The following ITK variants were observed in gnomAD, a reference collection of about 807,000 sequenced individuals.
ITK encodes the protein tyrosine-protein kinase ITK/TSK.
In ITK, 45 loss-of-function variants were observed where a neutral mutation model predicts 87.6. That is an observed-to-expected ratio of 0.51 (90% CI 0.40 to 0.66). The LOEUF (loss-of-function observed/expected upper bound fraction) is 0.66, where lower values mean the gene tolerates loss of function less well. Among genes scored for constraint, ITK ranks in the 30% least tolerant of loss-of-function variants. The pLI, the probability that ITK is intolerant of heterozygous loss-of-function variation, is 0.00. For synonymous variants in ITK, 303 were observed against 273.6 expected, an observed-to-expected ratio of 1.11 and a Z score of -1.06; for missense variants, 605 against 766.3, an observed-to-expected ratio of 0.79 and a Z score of 2.48.
At chr5:157,204,136 A>G (rs978932692) in intron 1 of ITK, among the ~76,000 whole-genome samples, 1 of 152,104 alleles carries the variant, frequency 6.6e-6, no homozygotes. Context: ...TCACCCTCCC[A>G]AGTAGCTGGG....
intron 1 of ITK, chr5:157,195,325 A>G (rs1357156748): frequency 1.3e-5 from 2 of 152,212 alleles, no homozygotes; most frequent in South Asian, 2.1e-4. Context: ...CTAACACATA[A>G]TTAACTGCTG....
intron 16 of ITK, among the ~76,000 whole-genome samples, chr5:157,251,363 T>C (rs1755135821): frequency 6.6e-6 from 1 of 152,240 alleles, no homozygotes; most frequent in Non-Finnish European, 1.5e-5. Flanking sequence ...TACTTATTGT[T>C]GAGTTTTAAG....
At chr5:157,246,112 G>A (rs755335666) in intron 15 of ITK, 113 bp downstream of exon 15, 48 of 815,036 alleles carry the variant, frequency 5.9e-5, no homozygotes, top group Non-Finnish European at 8.7e-5. Context: ...TATCATGAGG[G>A]TGTCCCACTG....
At chr5:157,241,080 G>A (rs908599246) in intron 10 of ITK, 1 of 153,654 alleles carries the variant, frequency 6.5e-6, no homozygotes, top group Non-Finnish European at 1.4e-5. Flanking sequence ...TGGGATTACA[G>A]GCATGTGCCA....
At chr5:157,217,497 C>T (rs937761064) in intron 4 of ITK, among the ~76,000 whole-genome samples, 1 of 152,162 alleles carries the variant, frequency 6.6e-6, no homozygotes, top group Non-Finnish European at 1.5e-5. Flanking sequence ...CCAATTCCCA[C>T]TCCTGAGCTT....
intron 12 of ITK, chr5:157,244,007 AC>A: frequency 1.5e-6 from 1 of 669,180 alleles, no homozygotes; most frequent in Non-Finnish European, 2.7e-6. Context: ...CTCAGCTCCT[AC>A]CCATCTCTCC....
In ITK at chr5:157,252,673, C is replaced by T. The variant is rs1304772098; in HGVS notation, c.1858C>T (p.Leu620Phe). Reference sequence around the variant, plus strand: ...ACTGGCTGAAATTGCAGAATCAGGACTTTAGTAGAGACTGAGTACCAGGCC... The same window carrying T: ...ACTGGCTGAAATTGCAGAATCAGGATTTTAGTAGAGACTGAGTACCAGGCC... ...RQLAEIAESG[L>F] The change falls in exon 17 of 17, where the codon CTT becomes TTT. Residue 620 changes from leucine to phenylalanine, a missense_variant. By Grantham distance (22) the Leu-to-Phe change is conservative (BLOSUM62 0). Coordinates refer to ENST00000422843, the MANE Select transcript of ITK (RefSeq NM_005546.4). 6.2e-7 allele frequency: 1 copy of T among 1,611,820 alleles called. No individual in the cohort carries two copies. Among genetic ancestry groups the T allele is most frequent in the East Asian group, 2.2e-5 (1 of 44,878 alleles).
chr5:157,249,001 G>A lies in ITK; in HGVS notation c.1785G>A (p.Trp595Ter). 6.2e-7 allele frequency: 1 copy of A among 1,613,824 alleles called. No individual in the cohort carries two copies. Among genetic ancestry groups the A allele is most frequent in the Non-Finnish European group, 8.5e-7 (1 of 1,179,754 alleles). The change falls in exon 16 of 17, where the codon TGG (tryptophan) becomes TGA (stop). Residue 595 changes from tryptophan (W) to a stop codon, truncating the protein, a stop_gained. Coordinates refer to ENST00000422843, the MANE Select transcript of ITK (RefSeq NM_005546.4). LOFTEE classifies it high-confidence loss of function. ...TCTACCAGATTATGAATCACTGCTG[G>A]AAAGAGGTCAGTGGAGGAAGTGCTT... Reference protein sequence around the residue: ...THVYQIMNHCWKERPEDRPAF... With the variant: ...THVYQIMNHC
chr5:157,205,053 C>G (rs1754052868), intron 1 of ITK, among the ~76,000 whole-genome samples: 1 of 152,192 alleles, frequency 6.6e-6, no homozygotes, highest in Non-Finnish European at 1.5e-5. Context: ...CAAGCACGCT[C>G]ATATATCACA....
chr5:157,203,150 T>G (rs902634859), intron 1 of ITK, among the ~76,000 whole-genome samples: 2 of 152,212 alleles, frequency 1.3e-5, no homozygotes, highest in Non-Finnish European at 2.9e-5. Flanking sequence ...CATCAACTGT[T>G]CTATTCTCTT....
At chr5:157,242,555 T>C (rs946692764) in intron 11 of ITK, among the ~76,000 whole-genome samples, 2 of 152,138 alleles carry the variant, frequency 1.3e-5, no homozygotes, top group Non-Finnish European at 2.9e-5. Flanking sequence ...GGCTCACTGC[T>C]GCCTTGACCT....
chr5:157,202,726 T>C (rs1754001144), intron 1 of ITK, among the ~76,000 whole-genome samples: 1 of 152,216 alleles, frequency 6.6e-6, no homozygotes, highest in African/African-American at 2.4e-5. Flanking sequence ...CAATTTGAAA[T>C]GATAATATTT....
intron 5 of ITK, among the ~76,000 whole-genome samples, chr5:157,220,349 C>G (rs1754390111): frequency 6.6e-6 from 1 of 152,212 alleles, no homozygotes; most frequent in African/African-American, 2.4e-5. Context: ...CCTCTTGGCC[C>G]CCTGCATCCA....
At chr5:157,233,959 ATATATTTTTTTTTTTT>A (rs1481498322) in intron 8 of ITK, among the ~76,000 whole-genome samples, 1 of 28,684 alleles carries the variant, frequency 3.5e-5, no homozygotes, top group African/African-American at 1.3e-4. Flanking sequence ...ATATATATAT[ATATATTTTTTTTTTTT>A]TTTTTTTTTT....
chr5:157,232,464 C>A, intron 8 of ITK, 70 bp downstream of exon 8: 1 of 1,136,020 alleles, frequency 8.8e-7, no homozygotes, highest in African/African-American at 1.5e-5. Flanking sequence ...TGTCTGGAAT[C>A]CCAGCGATTT....
At chr5:157,189,967 A>T (rs1295543428) in intron 1 of ITK, among the ~76,000 whole-genome samples, 1 of 152,200 alleles carries the variant, frequency 6.6e-6, no homozygotes, top group East Asian at 1.9e-4. Flanking sequence ...GTTTGGCTTC[A>T]TGACACTCAG....
intron 8 of ITK, among the ~76,000 whole-genome samples, chr5:157,232,762 A>G (rs1383448325): frequency 1.3e-5 from 2 of 152,208 alleles, no homozygotes; most frequent in South Asian, 4.1e-4. Flanking sequence ...GGACTAGCAA[A>G]CCACAGGATA....
rs779334154 is a variant in ITK at position 157,246,145 on chromosome 5, C to T, written c.1633+146C>T. On this transcript the variant is annotated intron_variant, in intron 15 of 16. Transcript: ENST00000422843. ...CTGGAGGGTTGTGTAAGAAAGGCCC[C>T]GAAAACTATGAAAGGGCCTTCATCA... The T allele has an allele frequency of 4.5e-4, 333 of 735,946 alleles. 1 individual carries two copies. Among genetic ancestry groups the T allele is most frequent in the Non-Finnish European group, 7.4e-4 (300 of 404,608 alleles). The allele number at this position is 735,946 out of a possible 1,614,324, so 45.6% of individuals were successfully genotyped here.
At chr5:157,222,736 G>A (rs1754444576) in intron 5 of ITK, 127 bp from the exon 6 acceptor site, 3 of 856,918 alleles carry the variant, frequency 3.5e-6, no homozygotes, top group African/African-American at 1.7e-5. Context: ...GTTCAGCGCT[G>A]TAACTCTAAC....
Sources: gnomAD v4.1 joint callset for allele counts (sites outside exome capture counted in the v4.1 genomes callset) on GRCh38, gnomAD v4.1.1 for gene constraint, MANE v1.5 for transcripts, NCBI Gene and HGNC (gene_info 2026-07-23, HGNC 2026-07-21) for gene names.